Variants in CCDC40 observed in about 807,000 individuals in gnomAD.
CCDC40 encodes the protein coiled-coil domain-containing protein 40.
In CCDC40, 104 loss-of-function variants were observed where a neutral mutation model predicts 124.5. That is an observed-to-expected ratio of 0.84 (90% confidence interval 0.71 to 0.98). The LOEUF (loss-of-function observed/expected upper bound fraction) is 0.98. CCDC40 is among the 50% of genes least tolerant of loss of function. CCDC40 has a pLI of 0.00. For synonymous variants in CCDC40, 580 were observed against 602.9 expected, an observed-to-expected ratio of 0.96 and a Z score of 0.56; for missense variants, 1,463 against 1,503.9, an observed-to-expected ratio of 0.97 and a Z score of 0.45.
chr17:80,058,402 T>G lies in CCDC40; in HGVS notation c.1160-92T>G. ...GCAGGAAGGGTGCCCAGAACGGCTG[T>G]TCCCTGCTTCCTCCTGGGTCTCTGC... On this transcript the variant is annotated intron_variant, in intron 7 of 19. Transcript: ENST00000397545. This position sits in a 1 kb window ranked among gnomAD's most constrained non-coding sequence, Gnocchi z 4.2. 1 of 1,228,604 alleles carries G rather than the reference T, an allele frequency of 8.1e-7. No individual in the cohort carries two copies. The allele number at this position is 1,228,604 out of a possible 1,614,324, so 76.1% of individuals were successfully genotyped here. A position where few individuals can be genotyped will look rare whatever the true frequency, so the allele number is the denominator to read the frequency against.
chr17:80,067,748 C>A, intron 10 of CCDC40: 1 of 1,503,832 alleles, frequency 6.6e-7, no homozygotes, highest in Non-Finnish European at 8.9e-7. Flanking sequence ...CTGGGTCTAG[C>A]GGGTATTGCT....
At chr17:80,085,860 G>A (rs1186850484) in intron 13 of CCDC40, 143 bp from the exon 14 acceptor site, 5 of 729,224 alleles carry the variant, frequency 6.9e-6, no homozygotes, top group Non-Finnish European at 1.2e-5. Context: ...GGTAGAGACG[G>A]GGTTTCACCC....
At chr17:80,097,120 C>A in intron 18 of CCDC40, 125 bp from the exon 19 acceptor site, 1 of 1,077,664 alleles carries the variant, frequency 9.3e-7, no homozygotes, top group Non-Finnish European at 1.4e-6. Flanking sequence ...CCTCCCATTC[C>A]TCTTTGGGAG....
At chr17:80,090,832 C>T (rs1407711867) in intron 17 of CCDC40, 1 of 1,179,494 alleles carries the variant, frequency 8.5e-7, no homozygotes. Context: ...ATAGAAATTC[C>T]TCTGCTGAGT....
At chr17:80,082,745 G>A (rs951849401) in intron 12 of CCDC40, among the ~76,000 whole-genome samples, 81 of 152,190 alleles carry the variant, frequency 5.3e-4, no homozygotes, top group Non-Finnish European at 9.0e-4. Context: ...TACCAGCCAA[G>A]TCCAGTTCCC....
chr17:80,063,193 C>CAA (rs111638134), intron 9 of CCDC40, among the ~76,000 whole-genome samples: 5 of 143,256 alleles, frequency 3.5e-5, no homozygotes, highest in African/African-American at 1.0e-4. Context: ...AAAAGTGTCT[C>CAA]AAAAAAAAAA....
chr17:80,074,627 A>G (rs2038269917), intron 10 of CCDC40, among the ~76,000 whole-genome samples: 1 of 152,204 alleles, frequency 6.6e-6, no homozygotes, highest in South Asian at 2.1e-4. Context: ...AACCGAAAAA[A>G]GGAAAGAAAG....
Position 80,050,095 on chromosome 17 carries a change from G to A in CCDC40, c.971G>A (p.Arg324Gln), listed in dbSNP as rs748943228. 7 of 1,613,954 alleles carry A rather than the reference G, an allele frequency of 4.3e-6. No homozygotes were observed. Among genetic ancestry groups the A allele is most frequent in the East Asian group, 2.2e-5 (1 of 44,868 alleles). The change falls in exon 7 of 20, where the codon CGG becomes CAG. Residue 324 changes from arginine (R) to glutamine (Q), a missense_variant. Physicochemically the swap from Arg to Gln is conservative, Grantham distance 43. Transcript: ENST00000397545. Reference protein sequence around the residue: ...VVATKQSRAQRQELGVNLYEV... With the variant: ...VVATKQSRAQQQELGVNLYEV... Reference sequence around the variant, plus strand: ...GCTACCAAGCAGAGCCGAGCCCAGCGGCAGGAGCTGGGGGTGAATCTCTAT... The same window carrying A: ...GCTACCAAGCAGAGCCGAGCCCAGCAGCAGGAGCTGGGGGTGAATCTCTAT...
chr17:80,057,375 A>C (rs976471997), intron 7 of CCDC40, among the ~76,000 whole-genome samples: 1 of 151,616 alleles, frequency 6.6e-6, no homozygotes, highest in Non-Finnish European at 1.5e-5. Flanking sequence ...GGCGTGAGCC[A>C]CCACACCCAG....
chr17:80,065,570 G>A lies in CCDC40; in HGVS notation c.1526G>A (p.Arg509His), dbSNP rs757879326. The A allele has an allele frequency of 1.2e-5, 20 of 1,612,766 alleles. No individual in the cohort carries two copies. The highest frequency in any genetic ancestry group is 1.5e-5 in the Non-Finnish European group (18 of 1,179,940). ...AGCAGCCTGGTGGGCATGAAGCACC[G>A]CGACGAGGCGCACAGGGCGGTGCTG... ...WASSLVGMKH[R>H]DEAHRAVLEA... The change falls in exon 10 of 20, where the codon CGC becomes CAC. Residue 509 changes from arginine to histidine, a missense_variant. Coordinates refer to ENST00000397545, the MANE Select transcript of CCDC40 (RefSeq NM_017950.4).
intron 16 of CCDC40, 147 bp from the exon 17 acceptor site, chr17:80,089,617 C>G: frequency 1.2e-6 from 1 of 840,930 alleles, no homozygotes; most frequent in Non-Finnish European, 1.9e-6. Flanking sequence ...GTGAACACTT[C>G]AGGCTTTGAG....
intron 19 of CCDC40, 144 bp downstream of exon 19, chr17:80,097,547 CCGGCTGCTCACATGTTTG>C (rs1567818369): frequency 1.5e-5 from 11 of 732,934 alleles, no homozygotes; most frequent in Non-Finnish European, 4.5e-6. Flanking sequence ...AATAGCACCA[CCGGCTGCTCACATGTTTG>C]TGGCTTTGTG....
rs776593659 is a variant in CCDC40 at position 80,086,269 on chromosome 17, G to A, written c.2449+53G>A. ...GTGATGCTGAGACGAGCTCTGGGAC[G>A]TGGGCACCTCCCAGGGGAGGGGCAC... On this transcript the variant is annotated intron_variant, in intron 14 of 19. Transcript: ENST00000397545. The surrounding 1 kb of genome is among the most constrained non-coding windows in gnomAD (Gnocchi z 5.5). 77 of 1,469,482 alleles carry A rather than the reference G, an allele frequency of 5.2e-5. No individual in the cohort carries two copies. The East Asian group carries it at 1.2e-3, about 22-fold the overall frequency. 91.0% of individuals were successfully genotyped at this position (1,469,482 alleles called of 1,614,324 possible).
chr17:80,075,208 A>T (rs8072492), intron 10 of CCDC40, among the ~76,000 whole-genome samples: 7 of 149,500 alleles, frequency 4.7e-5, no homozygotes, highest in Admixed American at 2.6e-4. Context: ...TACAGGCATG[A>T]GCCACCTCAG....
chr17:80,040,345 G>T lies in CCDC40; in HGVS notation c.552+75G>T, dbSNP rs575293919. ...GTTTGTCACCCTATGTGAGGAACTT[G>T]GGAATACATTATAAATACAAATTGC... On this transcript the variant is annotated intron_variant, in intron 3 of 19. Transcript: ENST00000397545. The T allele has an allele frequency of 1.6e-5, 21 of 1,337,322 alleles. No homozygotes were observed. In the South Asian group the frequency reaches 2.2e-4, roughly 14 times the overall value. 82.8% of individuals were successfully genotyped at this position (1,337,322 alleles called of 1,614,324 possible).
chr17:80,079,893 C>G (rs1245194983), intron 10 of CCDC40, among the ~76,000 whole-genome samples: 1 of 151,722 alleles, frequency 6.6e-6, no homozygotes, highest in Non-Finnish European at 1.5e-5. Flanking sequence ...CCACTGTACT[C>G]CAGCCTGAGT....
intron 9 of CCDC40, among the ~76,000 whole-genome samples, chr17:80,062,929 C>T (rs1045374431): frequency 1.6e-4 from 25 of 152,038 alleles, no homozygotes; most frequent in African/African-American, 4.8e-5. Context: ...CATGGTGGCT[C>T]ACACCTGTAA....
At chr17:80,056,006 A>ATTT (rs1323101032) in intron 7 of CCDC40, among the ~76,000 whole-genome samples, 20 of 9,126 alleles carry the variant, frequency 2.2e-3, no homozygotes, top group African/African-American at 3.7e-3. Flanking sequence ...ATATATATAT[A>ATTT]TATATATATA....
intron 17 of CCDC40, among the ~76,000 whole-genome samples, chr17:80,093,019 C>A (rs926597585): frequency 6.6e-6 from 1 of 152,262 alleles, no homozygotes; most frequent in East Asian, 1.9e-4. Flanking sequence ...GAAAAGACTG[C>A]CCTTCCTCCA....
Sources: gnomAD v4.1 joint callset for allele counts (sites outside exome capture counted in the v4.1 genomes callset) on GRCh38, gnomAD v4.1.1 for gene constraint, Gnocchi (gnomAD v3.1) non-coding constraint, MANE v1.5 for transcripts, NCBI Gene and HGNC (gene_info 2026-07-23, HGNC 2026-07-21) for gene names.